ASAH2B: variants seen among roughly 807,000 people sequenced by gnomAD.
The protein encoded by ASAH2B is N-acylsphingosine amidohydrolase 2B, also known as putative inactive neutral ceramidase B.
ASAH2B carries 1 observed loss-of-function variant against 2.9 expected under a neutral mutation model. That is an observed-to-expected ratio of 0.34 (90% CI 0.12 to 1.63). The LOEUF is 1.63. ASAH2B is among the 40% of genes most tolerant of loss of function. The pLI is 0.36. For synonymous variants in ASAH2B, 4 were observed against 13.3 expected (o/e 0.30, Z 1.52); for missense variants, 9 against 37.7 (o/e 0.24, Z 1.99).
chr10:50,753,178 C>T (rs1839997106), intron 5 of ASAH2B, among the ~76,000 whole-genome samples: 1 of 145,504 alleles, frequency 6.9e-6, no homozygotes, highest in Non-Finnish European at 1.5e-5. Context: ...TACTTCTGTT[C>T]CCAAGTCTAT....
chr10:50,747,418 G>T (rs1379745612), intron 3 of ASAH2B, among the ~76,000 whole-genome samples: 1 of 151,362 alleles, frequency 6.6e-6, no homozygotes, highest in Non-Finnish European at 1.5e-5. Context: ...AAGTCAGGTT[G>T]TGTGGTACCT....
chr10:50,753,334 A>C (rs899113432), intron 5 of ASAH2B, among the ~76,000 whole-genome samples: 1 of 90,060 alleles, frequency 1.1e-5, no homozygotes, highest in Non-Finnish European at 2.5e-5. Context: ...GAAAATAGGA[A>C]TTTGACCATG....
At chr10:50,746,848 T>C (rs939519814) in intron 3 of ASAH2B, among the ~76,000 whole-genome samples, 10 of 151,544 alleles carry the variant, frequency 6.6e-5, no homozygotes, top group Middle Eastern at 6.8e-3. Flanking sequence ...CAAATTGGGT[T>C]ATTTGTTTTC....
rs3001847 is a variant in ASAH2B, at chr10:50,757,075, C to T, written c.*2335C>T. ...GGTTTTAAGGATTTTTTGACTTCTT[C>T]GAAAAGCACTGAATAATCTCTTTGC... On this transcript the variant is annotated 3_prime_UTR_variant, in exon 6 of 6. Coordinates refer to ENST00000647317, the MANE Select transcript of ASAH2B (RefSeq NM_001321958.2). 5.8e-4 allele frequency: 88 copies of T among 150,854 alleles called. No homozygotes were observed. In the East Asian group the frequency reaches 0.011, roughly 19 times the overall value. The allele number at this position is 150,854 out of a possible 1,614,324, so 9.3% of individuals were successfully genotyped here. A position where few individuals can be genotyped will look rare whatever the true frequency, so the allele number is the denominator to read the frequency against.
In ASAH2B at chr10:50,754,877, T is replaced by C; in HGVS notation, c.*137T>C. The C allele has an allele frequency of 5.8e-6, 1 of 172,854 alleles. No homozygotes were observed. Among genetic ancestry groups the C allele is most frequent in the Non-Finnish European group, 1.1e-5 (1 of 92,170 alleles). 10.7% of individuals were successfully genotyped at this position (172,854 alleles called of 1,614,324 possible). ...TGTTTGGGGACAGATAGTTTACTGC[T>C]AATGGGGTGGAGGGGTGTGTGTGTG... On this transcript the variant is annotated 3_prime_UTR_variant, in exon 6 of 6. Coordinates refer to ENST00000647317, the MANE Select transcript of ASAH2B (RefSeq NM_001321958.2).
intron 2 of ASAH2B, 61 bp downstream of exon 2, chr10:50,743,071 T>C: frequency 1.3e-6 from 2 of 1,551,898 alleles, no homozygotes; most frequent in Non-Finnish European, 1.8e-6. Context: ...TGTCTGTATG[T>C]GTCTGTGTCT....
chr10:50,747,803 G>T (rs1239277836), intron 3 of ASAH2B, among the ~76,000 whole-genome samples: 1 of 151,850 alleles, frequency 6.6e-6, no homozygotes, highest in African/African-American at 2.4e-5. Context: ...CTGATATATT[G>T]TAAGGAGTTT....
intron 1 of ASAH2B, among the ~76,000 whole-genome samples, chr10:50,741,527 C>G (rs956548885): frequency 2.0e-5 from 3 of 152,128 alleles, no homozygotes; most frequent in Non-Finnish European, 2.9e-5. Context: ...TGGGACTGTT[C>G]AGGAAGATGT....
intron 2 of ASAH2B, among the ~76,000 whole-genome samples, 160 bp from the exon 3 acceptor site, chr10:50,744,968 C>T (rs1449857838): frequency 1.4e-5 from 2 of 145,638 alleles, no homozygotes; most frequent in African/African-American, 2.5e-5. Flanking sequence ...TCATGCTTAG[C>T]AAGGCTACCT....
In ASAH2B at chr10:50,759,191, A is replaced by T. The variant is rs1371434587; in HGVS notation, c.*4451A>T. On this transcript the variant is annotated 3_prime_UTR_variant, in exon 6 of 6. Coordinates refer to ENST00000647317, the MANE Select transcript of ASAH2B (RefSeq NM_001321958.2). ...TGTATTAGCATTTTTCCCCCTTGAC[A>T]TCAATGTCCTTGAATGTATTTGCCA... 1.2e-5 allele frequency: 1 copy of T among 83,152 alleles called. No individual in the cohort carries two copies. Among genetic ancestry groups the T allele is most frequent in the Admixed American group, 1.7e-4 (1 of 5,802 alleles). 5.2% of individuals were successfully genotyped at this position (83,152 alleles called of 1,614,324 possible).
At chr10:50,749,062 C>T (rs1186167449) in intron 3 of ASAH2B, among the ~76,000 whole-genome samples, 6 of 149,670 alleles carry the variant, frequency 4.0e-5, no homozygotes, top group Non-Finnish European at 5.9e-5. Context: ...GAGGAATTAT[C>T]AAGGCCTGAA....
At position 50,758,704 on chromosome 10, in the gene ASAH2B, C is replaced by A. The variant is rs1588938255; in HGVS notation, c.*3964C>A. On this transcript the variant is annotated 3_prime_UTR_variant, in exon 6 of 6. Coordinates refer to ENST00000647317, the MANE Select transcript of ASAH2B (RefSeq NM_001321958.2). ...ATACGTTCCTTTAACAGATTTATAT[C>A]AAGCACCTATATACTTTATGGCAGA... 1.3e-5 allele frequency: 2 copies of A among 152,272 alleles called. No homozygotes were observed. The highest frequency in any genetic ancestry group is 4.1e-4 in the South Asian group (2 of 4,832). 9.4% of individuals were successfully genotyped at this position (152,272 alleles called of 1,614,324 possible).
In ASAH2B at chr10:50,744,091, GTATT is replaced by G. The variant is rs780097923; in HGVS notation, c.-3-1019_-3-1016del. Among the ~76,000 whole-genome samples, 7 of 150,830 alleles carry G rather than the reference GTATT, an allele frequency of 4.6e-5. No homozygotes were observed. In the South Asian group the frequency reaches 6.3e-4, roughly 13 times the overall value. On this transcript the variant is annotated intron_variant, in intron 2 of 5. Transcript: ENST00000647317. ...GGTTACTTTTTTTGAATAACTGTTT[GTATT>G]TATTTATTTATTTATTTCTATTATA...
chr10:50,754,637 G>T lies in ASAH2B; in HGVS notation c.380G>T (p.Arg127Ile). 1 of 377,840 alleles carries T rather than the reference G, an allele frequency of 2.6e-6. No homozygotes were observed. Among genetic ancestry groups the T allele is most frequent in the South Asian group, 2.4e-5 (1 of 41,694 alleles). 23.4% of individuals were successfully genotyped at this position (377,840 alleles called of 1,614,324 possible). ...IPDTAQPGIYRIRYFGHNRKQ... is the reference protein window; with the variant it reads ...IPDTAQPGIYIIRYFGHNRKQ... The stretch of plus-strand genomic sequence containing the variant: ...GACACTGCCCAGCCTGGAATCTACA[G>T]AATAAGATATTTTGGACACAATCGG... The change falls in exon 6 of 6, where the codon AGA (arginine) becomes ATA (isoleucine). Residue 127 changes from arginine to isoleucine, a missense_variant. Transcript: ENST00000647317.
chr10:50,741,046 C>T (rs1307474863), intron 1 of ASAH2B, among the ~76,000 whole-genome samples: 1 of 152,240 alleles, frequency 6.6e-6, no homozygotes, highest in African/African-American at 2.4e-5. Flanking sequence ...TAGGAAACCA[C>T]TTCATTAGTC....
Position 50,743,027 on chromosome 10 carries a change from T to G in ASAH2B, c.-4+17T>G. 6.2e-7 allele frequency: 1 copy of G among 1,606,438 alleles called. No individual in the cohort carries two copies. Among genetic ancestry groups the G allele is most frequent in the Non-Finnish European group, 8.5e-7 (1 of 1,175,782 alleles). ...ATTGCTACGGTAATCAAATATTGTT[T>G]GTGCGTGCGTGCGTGCGTGTGTGTG... On this transcript the variant is annotated intron_variant, in intron 2 of 5. Coordinates refer to ENST00000647317, the MANE Select transcript of ASAH2B (RefSeq NM_001321958.2).
Position 50,742,908 on chromosome 10 carries a change from C to G in ASAH2B, c.-99-7C>G. 2 of 1,613,842 alleles carry G rather than the reference C, an allele frequency of 1.2e-6. No individual in the cohort carries two copies. The highest frequency in any genetic ancestry group is 2.2e-5 in the East Asian group (1 of 44,888). On this transcript the variant is annotated splice_polypyrimidine_tract_variant and splice_region_variant and intron_variant, in intron 1 of 5. Coordinates refer to ENST00000647317, the MANE Select transcript of ASAH2B (RefSeq NM_001321958.2). ...ACCATATACAACTCTCCCTGCCTTT[C>G]CTGCAGGCTCAGCGATATGAGGCAG...
intron 3 of ASAH2B, among the ~76,000 whole-genome samples, chr10:50,748,777 A>T (rs923742930): frequency 1.3e-5 from 2 of 150,596 alleles, no homozygotes; most frequent in Non-Finnish European, 1.5e-5. Context: ...AACTGATGAC[A>T]TTGAGCTGGT....
At position 50,742,852 on chromosome 10, in the gene ASAH2B, A is replaced by G. The variant is rs530796473; in HGVS notation, c.-99-63A>G. On this transcript the variant is annotated intron_variant, in intron 1 of 5. Coordinates refer to ENST00000647317, the MANE Select transcript of ASAH2B (RefSeq NM_001321958.2). Reference sequence around the variant, plus strand: ...AAGCATCACACTTACCTAAAATGCTACACCTCTGTAAATGGATTTAAATAT... The same window carrying G: ...AAGCATCACACTTACCTAAAATGCTGCACCTCTGTAAATGGATTTAAATAT... The G allele has an allele frequency of 4.5e-6, 7 of 1,552,004 alleles. No homozygotes were observed. In the East Asian group the frequency reaches 1.3e-4, roughly 30 times the overall value.
Sources: allele counts gnomAD v4.1 joint callset (sites outside exome capture counted in the v4.1 genomes callset), GRCh38; gene constraint gnomAD v4.1.1; transcripts MANE v1.5; gene names NCBI Gene and HGNC (gene_info 2026-07-23, HGNC 2026-07-21).